CLUH: variants seen among roughly 807,000 people sequenced by gnomAD.
CLUH encodes the protein clustered mitochondria protein homolog.
In CLUH, 77 loss-of-function variants were observed where a neutral mutation model predicts 139.3. That is an observed-to-expected ratio of 0.55 (90% CI 0.46 to 0.67). CLUH has a LOEUF of 0.67. Among genes scored for constraint, CLUH ranks in the 30% least tolerant of loss-of-function variants. CLUH has a pLI of 0.00. For synonymous variants in CLUH, 999 were observed against 801.6 expected, an observed-to-expected ratio of 1.25 and a Z score of -4.16; for missense variants, 1,876 against 1,875.8, an observed-to-expected ratio of 1.00 and a Z score of 0.00.
chr17:2,692,704 C>A lies in CLUH; in HGVS notation c.3313-8G>T. On this transcript the variant is annotated splice_region_variant and splice_polypyrimidine_tract_variant and intron_variant, in intron 20 of 25. Coordinates refer to ENST00000651024, the MANE Select transcript of CLUH (RefSeq NM_001366661.1). ...GTACAGGGCCAGGTGCATCTGCGGG[C>A]GGGGCGGAGACAGGTCAGGGTGGCC... 2 of 1,609,198 alleles carry A rather than the reference C, an allele frequency of 1.2e-6. No individual in the cohort carries two copies. Among genetic ancestry groups the A allele is most frequent in the South Asian group, 1.1e-5 (1 of 90,854 alleles).
Position 2,701,550 on chromosome 17 carries a change from G to A in CLUH, c.745-30C>T, listed in dbSNP as rs768438328. The A allele has an allele frequency of 5.0e-6, 8 of 1,613,042 alleles. No homozygotes were observed. In the East Asian group the frequency reaches 1.3e-4, roughly 27 times the overall value. Reference sequence around the variant, plus strand: ...GGGAGCGGCCGAGTCTGAGGGGCCAGGCCTCTGGTGTGGGGCCTCCACCCC... The same window carrying A: ...GGGAGCGGCCGAGTCTGAGGGGCCAAGCCTCTGGTGTGGGGCCTCCACCCC... On this transcript the variant is annotated intron_variant, in intron 5 of 25. Transcript: ENST00000651024.
At chr17:2,700,846 G>T (rs1393129838) in intron 7 of CLUH, 21 bp from the exon 8 acceptor site, 1 of 1,508,118 alleles carries the variant, frequency 6.6e-7, no homozygotes. Flanking sequence ...CAGGGGAGGG[G>T]GAGATGGGGC....
chr17:2,700,142 G>C (rs1480603095), intron 9 of CLUH, among the ~76,000 whole-genome samples: 1 of 152,250 alleles, frequency 6.6e-6, no homozygotes, highest in Non-Finnish European at 1.5e-5. Context: ...GTCCCTATGG[G>C]AAGTAGGGCC....
At chr17:2,690,927 G>T in intron 25 of CLUH, 150 bp from the exon 26 acceptor site, 1 of 571,268 alleles carries the variant, frequency 1.8e-6, no homozygotes, top group Non-Finnish European at 2.7e-6. Flanking sequence ...GAAGGCGGAA[G>T]GTCCCTGAAC....
chr17:2,708,101 C>T (rs987377636), intron 1 of CLUH: 10 of 714,736 alleles, frequency 1.4e-5, no homozygotes, highest in East Asian at 1.3e-4. Flanking sequence ...CTGGCCAGGG[C>T]GCCTTCCCAG....
chr17:2,711,747 G>A lies in CLUH; in HGVS notation c.-86C>T, dbSNP rs764442880. The A allele has an allele frequency of 5.1e-4, 267 of 523,278 alleles. No individual in the cohort carries two copies. The highest frequency in any genetic ancestry group is 6.1e-4 in the Non-Finnish European group (248 of 407,876). The allele number at this position is 523,278 out of a possible 1,614,324, so 32.4% of individuals were successfully genotyped here. A position where few individuals can be genotyped will look rare whatever the true frequency, so the allele number is the denominator to read the frequency against. Reference sequence around the variant, plus strand: ...GTGCCCTGCGCGCCGCGGCTGCTGAGGGAAGGACGGAGTCACCGGCCCACG... The same window carrying A: ...GTGCCCTGCGCGCCGCGGCTGCTGAAGGAAGGACGGAGTCACCGGCCCACG... On this transcript the variant is annotated 5_prime_UTR_variant, in exon 1 of 26. Coordinates refer to ENST00000651024, the MANE Select transcript of CLUH (RefSeq NM_001366661.1).
chr17:2,707,763 A>G lies in CLUH; in HGVS notation c.101-3199T>C, dbSNP rs1237760591. ...CATAAGGTGGCTGCCTCTGCCCACC[A>G]GTCCCAGACACTGAGCACCCCACTG... On this transcript the variant is annotated intron_variant, in intron 1 of 25. Transcript: ENST00000651024. This position sits in a 1 kb window ranked among gnomAD's most constrained non-coding sequence, Gnocchi z 7.4. 1 of 985,310 alleles carries G rather than the reference A, an allele frequency of 1.0e-6. No homozygotes were observed. Among genetic ancestry groups the G allele is most frequent in the African/African-American group, 1.7e-5 (1 of 57,252 alleles). The allele number at this position is 985,310 out of a possible 1,614,324, so 61.0% of individuals were successfully genotyped here.
chr17:2,707,962 A>T lies in CLUH; in HGVS notation c.101-3398T>A. ...CCCTGGCCTCCAGGCTCCATCAAGAAGCTGGCAGGCTCCATCTTCCCTTCC... is the reference window on the plus strand; with the variant it reads ...CCCTGGCCTCCAGGCTCCATCAAGATGCTGGCAGGCTCCATCTTCCCTTCC... On this transcript the variant is annotated intron_variant, in intron 1 of 25. Coordinates refer to ENST00000651024, the MANE Select transcript of CLUH (RefSeq NM_001366661.1). This position sits in a 1 kb window ranked among gnomAD's most constrained non-coding sequence, Gnocchi z 7.4. 1 of 985,398 alleles carries T rather than the reference A, an allele frequency of 1.0e-6. No homozygotes were observed. The allele number at this position is 985,398 out of a possible 1,614,324, so 61.0% of individuals were successfully genotyped here.
intron 16 of CLUH, 35 bp downstream of exon 16, chr17:2,694,822 T>TCCCCCCCCCCCCCCCCCCCCCGCCCCCC: frequency 7.4e-7 from 1 of 1,346,336 alleles, no homozygotes; most frequent in Non-Finnish European, 1.0e-6. Flanking sequence ...ATCTGCCCAA[T>TCCCCCCCCCCCCCCCCCCCCCGCCCCCC]CCCACCCACC....
chr17:2,710,493 GACC>G (rs2070480801), intron 1 of CLUH, among the ~76,000 whole-genome samples: 1 of 152,218 alleles, frequency 6.6e-6, no homozygotes, highest in Non-Finnish European at 1.5e-5. Context: ...GAGGCGTTAA[GACC>G]ACAAGTCCCA....
In CLUH at chr17:2,695,294, G is replaced by T; in HGVS notation, c.2545-14C>A. 6.2e-7 allele frequency: 1 copy of T among 1,613,814 alleles called. No homozygotes were observed. Among genetic ancestry groups the T allele is most frequent in the African/African-American group, 1.3e-5 (1 of 75,072 alleles). On this transcript the variant is annotated splice_polypyrimidine_tract_variant and intron_variant, in intron 14 of 25. Transcript: ENST00000651024. ...AATGCCGATTTTCTGGAAGGATTCA[G>T]AAGGGAGGTCTTGGTCAGGCCCCCG...
In CLUH at chr17:2,700,703, C is replaced by T; in HGVS notation, c.1148G>A (p.Gly383Asp). Residue 383 changes from glycine to aspartate, a missense_variant, in exon 8 of 26, where the codon GGC (glycine) becomes GAC (aspartate). Transcript: ENST00000651024. The stretch of plus-strand genomic sequence containing the variant: ...CTGTCCAGGAATGTGCTCCTCATAG[C>T]CCAGCCTCGAGGTGTAGGCGTCCTC... The part of the protein sequence containing the change: ...RAEDAYTSRL[G>D]YEEHIPGQTR... The T allele has an allele frequency of 6.5e-7, 1 of 1,531,122 alleles. No individual in the cohort carries two copies. The highest frequency in any genetic ancestry group is 8.7e-7 in the Non-Finnish European group (1 of 1,143,738). The allele number at this position is 1,531,122 out of a possible 1,614,324, so 94.8% of individuals were successfully genotyped here.
At chr17:2,691,276 G>A (rs1446741791) in intron 25 of CLUH, among the ~76,000 whole-genome samples, 1 of 152,194 alleles carries the variant, frequency 6.6e-6, no homozygotes, top group African/African-American at 2.4e-5. Flanking sequence ...GAAGATAAGC[G>A]GGGCGGGCCG....
chr17:2,707,707 G>A lies in CLUH; in HGVS notation c.101-3143C>T. 1.4e-5 allele frequency: 14 copies of A among 985,374 alleles called. No individual in the cohort carries two copies. The highest frequency in any genetic ancestry group is 1.4e-5 in the Non-Finnish European group (12 of 829,896). 61.0% of individuals were successfully genotyped at this position (985,374 alleles called of 1,614,324 possible). ...AACAGGACCGCTTCTGCCAGCTGCC[G>A]CCAACAGCTGGCACAGACCCGGGTC... On this transcript the variant is annotated intron_variant, in intron 1 of 25. Transcript: ENST00000651024. This position sits in a 1 kb window ranked among gnomAD's most constrained non-coding sequence, Gnocchi z 7.4.
intron 4 of CLUH, 58 bp downstream of exon 4, chr17:2,701,856 C>T: frequency 6.2e-7 from 1 of 1,605,986 alleles, no homozygotes; most frequent in Non-Finnish European, 8.5e-7. Context: ...TTCTCCAGCC[C>T]CCCACCTCCG....
rs1392153994 is a variant in CLUH, at chr17:2,700,443, G to A, written c.1205C>T (p.Thr402Met). The A allele has an allele frequency of 5.6e-6, 9 of 1,613,018 alleles. No homozygotes were observed. The highest frequency in any genetic ancestry group is 1.1e-5 in the South Asian group (1 of 90,916). Residue 402 changes from threonine to methionine, a missense_variant, in exon 9 of 26, where the codon ACG (threonine) becomes ATG (methionine). Physicochemically the swap from Thr to Met is moderately conservative, Grantham distance 81. Coordinates refer to ENST00000651024, the MANE Select transcript of CLUH (RefSeq NM_001366661.1). ...TRDWNEELQT[T>M]RELPRKNLPE... ...CAGGTTCTTGCGAGGCAGCTCCCTC[G>A]TCGTCTGCAGCTCCTCATTCCAGTC...
At position 2,703,935 on chromosome 17, in the gene CLUH, T is replaced by G. The variant is rs1461223821; in HGVS notation, c.303+427A>C. Among the ~76,000 whole-genome samples the G allele has an allele frequency of 1.3e-5, 2 of 152,086 alleles. No homozygotes were observed. Among genetic ancestry groups the G allele is most frequent in the Non-Finnish European group, 2.9e-5 (2 of 68,006 alleles). Reference sequence around the variant, plus strand: ...CGAGACATACGACGACCCTGTCTCGTTCCCCACTGAGTCACCGGCTTGCAA... The same window carrying G: ...CGAGACATACGACGACCCTGTCTCGGTCCCCACTGAGTCACCGGCTTGCAA... On this transcript the variant is annotated intron_variant, in intron 2 of 25. Transcript: ENST00000651024. The surrounding 1 kb of genome is among the most constrained non-coding windows in gnomAD (Gnocchi z 4.2).
At chr17:2,700,540 G>A (rs553859259) in intron 8 of CLUH, 66 bp from the exon 9 acceptor site, 43 of 1,560,208 alleles carry the variant, frequency 2.8e-5, no homozygotes, top group Non-Finnish European at 3.6e-5. Flanking sequence ...CCCGGAAGTC[G>A]CTCCTTCTAC....
At chr17:2,691,504 T>TGAGCCGGGATGGCGCCGCCGC in intron 25 of CLUH, 105 bp downstream of exon 25, 2 of 1,160,764 alleles carry the variant, frequency 1.7e-6, no homozygotes, top group Non-Finnish European at 2.5e-6. Context: ...GAGGCTGCAG[T>TGAGCCGGGATGGCGCCGCCGC]GAGCCGGGAT....
Sources: allele counts gnomAD v4.1 joint callset (sites outside exome capture counted in the v4.1 genomes callset), GRCh38; gene constraint gnomAD v4.1.1; non-coding constraint Gnocchi (gnomAD v3.1); transcripts MANE v1.5; gene names NCBI Gene and HGNC (gene_info 2026-07-23, HGNC 2026-07-21).